The following NFIB variants were observed in gnomAD, a reference collection of about 807,000 sequenced individuals.
NFIB encodes the protein nuclear factor 1 B-type.
In NFIB, 11 loss-of-function variants were observed where a neutral mutation model predicts 61.5. The ratio of observed to expected loss-of-function variants is 0.18; its 90% confidence interval spans 0.11 to 0.30. The LOEUF is 0.30. Ranked by LOEUF, NFIB falls within the 10% of genes least tolerant of loss-of-function variation. The probability of loss-of-function intolerance (pLI) is 1.00; values close to 1 mark genes in which losing one functional copy is unlikely to be tolerated. For missense variants in NFIB, 471 were observed against 608.9 expected, an observed-to-expected ratio of 0.77 and a Z score of 2.38; for synonymous variants, 260 against 216.5, an observed-to-expected ratio of 1.20 and a Z score of -1.76.
chr9:14,398,786 G>T lies in NFIB; in HGVS notation c.-155C>A, dbSNP rs76264796. On this transcript the variant is annotated 5_prime_UTR_variant, in exon 1 of 9. Transcript: ENST00000380934. ...TCCGAAGAGTTTGAGGGTGACTGAT[G>T]GATCTTTATGGAGCAGAGCAAGCTG... 6.6e-3 allele frequency: 3,710 copies of T among 560,148 alleles called. 101 individuals carry two copies. Among genetic ancestry groups the T allele is most frequent in the African/African-American group, 0.065 (3,315 of 51,336 alleles). 34.7% of individuals were successfully genotyped at this position (560,148 alleles called of 1,614,324 possible). A position where few individuals can be genotyped will look rare whatever the true frequency, so the allele number is the denominator to read the frequency against.
intron 2 of NFIB, chr9:14,204,254 A>G: frequency 3.2e-6 from 2 of 623,398 alleles, no homozygotes; most frequent in Non-Finnish European, 5.7e-6. Flanking sequence ...CAAGATGTGG[A>G]AAGGAAAGAA....
At chr9:14,226,404 C>T (rs1468312333) in intron 2 of NFIB, among the ~76,000 whole-genome samples, 3 of 151,842 alleles carry the variant, frequency 2.0e-5, no homozygotes, top group South Asian at 2.1e-4. Context: ...AAAAATTGGC[C>T]GGGCAGGGTG....
At chr9:14,204,397 C>G (rs61754862) in intron 2 of NFIB, 142,151 of 1,080,486 alleles carry the variant, frequency 0.13, 13,524 homozygotes, top group East Asian at 0.41. Flanking sequence ...CCAAAAGAGA[C>G]CTCGCCCGCT....
intron 1 of NFIB, chr9:14,321,977 A>C: frequency 8.1e-7 from 1 of 1,230,040 alleles, no homozygotes; most frequent in Non-Finnish European, 1.0e-6. Context: ...AGAGATCTTG[A>C]GTCTGTAACA....
chr9:14,146,700 T>A lies in NFIB; in HGVS notation c.914A>T (p.Glu305Val). ...TCCTTATTACTCACCTTGATCTCTT[T>A]CGTGCCATGTTCGACTTCCAGCAGC... The part of the protein sequence containing the change: ...SPAAGSRTWH[E>V]RDQDMSSPTT... Residue 305 changes from glutamate to valine, a missense_variant, in exon 6 of 11, where the codon GAA becomes GTA. Transcript: ENST00000380953. 6.2e-7 allele frequency: 1 copy of A among 1,613,026 alleles called. No individual in the cohort carries two copies. The highest frequency in any genetic ancestry group is 8.5e-7 in the Non-Finnish European group (1 of 1,179,476).
At chr9:14,155,048 G>C (rs1215416762) in intron 4 of NFIB, among the ~76,000 whole-genome samples, 6 of 152,100 alleles carry the variant, frequency 3.9e-5, no homozygotes. Context: ...CTATCAAAAT[G>C]TCAGGTGAAA....
At chr9:14,283,425 G>C (rs562425449) in intron 2 of NFIB, among the ~76,000 whole-genome samples, 2 of 152,322 alleles carry the variant, frequency 1.3e-5, no homozygotes, top group African/African-American at 4.8e-5. Flanking sequence ...GGGGATCAAA[G>C]TTCCTCTGTT....
chr9:14,430,409 A>G, the NFIB span, among the ~76,000 whole-genome samples: 3 of 152,142 alleles, frequency 2.0e-5, no homozygotes, highest in African/African-American at 4.8e-5. Flanking sequence ...AAATGATGTT[A>G]TAATTTGAAT....
At chr9:14,162,070 A>G (rs1275858652) in intron 3 of NFIB, among the ~76,000 whole-genome samples, 1 of 152,190 alleles carries the variant, frequency 6.6e-6, no homozygotes, top group Non-Finnish European at 1.5e-5. Context: ...ATATGAGCAT[A>G]TTTCTTTCAC....
rs1207121965 is a variant in NFIB, at chr9:14,086,840, T to C, written c.*1469A>G. On this transcript the variant is annotated 3_prime_UTR_variant, in exon 11 of 11. Transcript: ENST00000380953. ...AAGGCAAGGCACGTAATGTGGACATTATATCTTCGTGCAAATTAGGATTAC... is the reference window on the plus strand; with the variant it reads ...AAGGCAAGGCACGTAATGTGGACATCATATCTTCGTGCAAATTAGGATTAC... 1 of 204,332 alleles carries C rather than the reference T, an allele frequency of 4.9e-6. No individual in the cohort carries two copies. Among genetic ancestry groups the C allele is most frequent in the East Asian group, 7.5e-5 (1 of 13,346 alleles). The allele number at this position is 204,332 out of a possible 1,614,324, so 12.7% of individuals were successfully genotyped here. A position where few individuals can be genotyped will look rare whatever the true frequency, so the allele number is the denominator to read the frequency against.
chr9:14,314,087 A>T lies in NFIB; in HGVS notation c.-576T>A. 3.8e-6 allele frequency: 4 copies of T among 1,049,334 alleles called. No homozygotes were observed. Among genetic ancestry groups the T allele is most frequent in the Non-Finnish European group, 4.6e-6 (4 of 869,754 alleles). The allele number at this position is 1,049,334 out of a possible 1,614,324, so 65.0% of individuals were successfully genotyped here. ...GATCCCGGAGTGGTGATCGCAGGCGAAACTTTGCCGCGAGCCGACCATGTG... is the reference window on the plus strand; with the variant it reads ...GATCCCGGAGTGGTGATCGCAGGCGTAACTTTGCCGCGAGCCGACCATGTG... On this transcript the variant is annotated 5_prime_UTR_variant, in exon 1 of 11. Coordinates refer to ENST00000380953, the MANE Select transcript of NFIB (RefSeq NM_001190737.2).
chr9:14,240,025 C>T (rs930043236), intron 2 of NFIB, among the ~76,000 whole-genome samples: 3 of 151,934 alleles, frequency 2.0e-5, no homozygotes, highest in Non-Finnish European at 2.9e-5. Context: ...TAGTTTTGTC[C>T]TTCCATTAAA....
At chr9:14,450,541 C>T in the NFIB span, among the ~76,000 whole-genome samples, 1 of 152,198 alleles carries the variant, frequency 6.6e-6, no homozygotes, top group Admixed American at 6.5e-5. Flanking sequence ...AACCTCCCCA[C>T]TCTGTGTACT....
the NFIB span, among the ~76,000 whole-genome samples, chr9:14,520,908 G>C: frequency 6.6e-6 from 1 of 152,332 alleles, no homozygotes; most frequent in Non-Finnish European, 1.5e-5. Flanking sequence ...TTCATTTACA[G>C]TGGTTCAAAA....
At chr9:14,391,615 C>T (rs895925588) in intron 1 of NFIB, among the ~76,000 whole-genome samples, 37 of 152,066 alleles carry the variant, frequency 2.4e-4, no homozygotes, top group African/African-American at 7.7e-4. Flanking sequence ...AAAAATGCCT[C>T]GAGTGAGCAC....
chr9:14,529,082 A>AC, the NFIB span, among the ~76,000 whole-genome samples: 5 of 152,172 alleles, frequency 3.3e-5, no homozygotes, highest in African/African-American at 9.6e-5. Context: ...GATGATATTT[A>AC]ACACACACAC....
At chr9:14,464,791 C>T in the NFIB span, among the ~76,000 whole-genome samples, 1 of 152,118 alleles carries the variant, frequency 6.6e-6, no homozygotes, top group Non-Finnish European at 1.5e-5. Context: ...TCCTTTCCCA[C>T]TTTGTTACTT....
At chr9:14,384,403 A>G (rs1420191478) in intron 1 of NFIB, among the ~76,000 whole-genome samples, 1 of 152,212 alleles carries the variant, frequency 6.6e-6, no homozygotes, top group Non-Finnish European at 1.5e-5. Context: ...TGACACCACC[A>G]TGATACTTGA....
chr9:14,328,726 T>C (rs2060785150), intron 1 of NFIB, among the ~76,000 whole-genome samples: 1 of 152,102 alleles, frequency 6.6e-6, no homozygotes, highest in Non-Finnish European at 1.5e-5. Context: ...TTGTTGATAT[T>C]AGTGAATGGT....
Sources: gnomAD v4.1 joint callset for allele counts (sites outside exome capture counted in the v4.1 genomes callset) on GRCh38, gnomAD v4.1.1 for gene constraint, MANE v1.5 for transcripts, NCBI Gene and HGNC (gene_info 2026-07-23, HGNC 2026-07-21) for gene names.